Variants in NCKAP5 observed in about 807,000 individuals in gnomAD.
NCKAP5 encodes the protein NCK associated protein 5, also known as nck-associated protein 5.
A neutral mutation model predicts 167.0 loss-of-function variants in NCKAP5; 92 were observed. The observed-to-expected ratio is 0.55, with a 90% confidence interval of 0.47 to 0.66. The LOEUF is 0.66. Ranked by LOEUF, NCKAP5 falls within the 30% of genes least tolerant of loss-of-function variation. NCKAP5 has a pLI of 0.00. For missense variants in NCKAP5, 2,378 were observed against 2,315.0 expected (o/e 1.03, Z -0.56); for synonymous variants, 891 against 877.4 (o/e 1.02, Z -0.27).
At chr2:133,078,081 A>T (rs1215256795) in intron 6 of NCKAP5, among the ~76,000 whole-genome samples, 3 of 152,180 alleles carry the variant, frequency 2.0e-5, no homozygotes, top group Non-Finnish European at 2.9e-5. Flanking sequence ...CTCAGATGTA[A>T]AATGAGAGGG....
chr2:132,684,422 T>G (rs1685667967), intron 19 of NCKAP5, among the ~76,000 whole-genome samples: 1 of 152,224 alleles, frequency 6.6e-6, no homozygotes. Flanking sequence ...CTTTACATTA[T>G]TTCCATAAGT....
At chr2:132,973,206 C>A (rs537394052) in intron 7 of NCKAP5, among the ~76,000 whole-genome samples, 44 of 152,214 alleles carry the variant, frequency 2.9e-4, no homozygotes, top group African/African-American at 7.7e-4. Context: ...ACTAAAGAAT[C>A]CCAAATTATG....
chr2:132,853,417 C>T (rs1689225457), intron 11 of NCKAP5, among the ~76,000 whole-genome samples: 1 of 152,144 alleles, frequency 6.6e-6, no homozygotes, highest in Admixed American at 6.5e-5. Context: ...GGCATCTGAT[C>T]TCCGAGCATG....
chr2:133,543,664 G>T (rs1337383977), intron 2 of NCKAP5, among the ~76,000 whole-genome samples: 1 of 152,154 alleles, frequency 6.6e-6, no homozygotes, highest in Non-Finnish European at 1.5e-5. Flanking sequence ...TTCCCCTGTG[G>T]GAAATGAAGG....
At chr2:133,156,488 T>C (rs933397634) in intron 5 of NCKAP5, among the ~76,000 whole-genome samples, 2 of 152,196 alleles carry the variant, frequency 1.3e-5, no homozygotes, top group African/African-American at 4.8e-5. Flanking sequence ...TTAAAATGTG[T>C]ATGAAATCTT....
chr2:133,213,607 G>C (rs916541049), intron 5 of NCKAP5, 109 bp downstream of exon 5: 13 of 1,048,436 alleles, frequency 1.2e-5, no homozygotes, highest in Non-Finnish European at 1.7e-5. Context: ...ATATCATTAA[G>C]TTTGCTGCAA....
At chr2:133,025,854 G>A (rs916096355) in intron 6 of NCKAP5, among the ~76,000 whole-genome samples, 1 of 152,170 alleles carries the variant, frequency 6.6e-6, no homozygotes, top group Non-Finnish European at 1.5e-5. Context: ...CACAGTACAT[G>A]TGCATCATGT....
intron 3 of NCKAP5, among the ~76,000 whole-genome samples, chr2:133,308,919 C>T (rs1398630457): frequency 2.0e-5 from 3 of 149,738 alleles, no homozygotes; most frequent in Admixed American, 6.6e-5. Context: ...ACCTTGTTAG[C>T]CAGGATGGTC....
In NCKAP5 at chr2:133,137,796, C is replaced by T. The variant is rs139472708; in HGVS notation, c.208-7685G>A. ...CAAAATCCTAAGGAAATTGAACACTCGAACAAAGGATTCTTAGCAAAGCAA... is the reference window on the plus strand; with the variant it reads ...CAAAATCCTAAGGAAATTGAACACTTGAACAAAGGATTCTTAGCAAAGCAA... On this transcript the variant is annotated intron_variant, in intron 5 of 19. Transcript: ENST00000409261. 4.0e-3 allele frequency among the ~76,000 whole-genome samples: 602 copies of T among 152,256 alleles called. 2 individuals carry two copies. Among genetic ancestry groups the T allele is most frequent in the African/African-American group, 0.014 (565 of 41,558 alleles).
intron 8 of NCKAP5, among the ~76,000 whole-genome samples, chr2:132,887,353 A>ATCTATCTG (rs1303097259): frequency 7.8e-6 from 1 of 128,380 alleles, no homozygotes; most frequent in Non-Finnish European, 1.5e-5. Context: ...CTATCTATCC[A>ATCTATCTG]TCCATCCATC....
intron 19 of NCKAP5, among the ~76,000 whole-genome samples, chr2:132,723,494 C>T (rs1368889200): frequency 2.6e-5 from 4 of 151,708 alleles, no homozygotes; most frequent in South Asian, 2.1e-4. Context: ...ATTTGGAATC[C>T]GACTGTTCTC....
intron 4 of NCKAP5, among the ~76,000 whole-genome samples, chr2:133,297,166 A>T (rs1040955490): frequency 2.0e-4 from 28 of 142,178 alleles, no homozygotes; most frequent in East Asian, 8.5e-4. Context: ...AGGTTGTCAC[A>T]GTGTGTGTGT....
At chr2:133,136,438 C>T (rs2082788626) in intron 5 of NCKAP5, among the ~76,000 whole-genome samples, 1 of 152,184 alleles carries the variant, frequency 6.6e-6, no homozygotes, top group African/African-American at 2.4e-5. Flanking sequence ...TAACAAGAGG[C>T]ACGTCCCACA....
intron 5 of NCKAP5, among the ~76,000 whole-genome samples, chr2:133,149,328 A>G (rs958290731): frequency 6.6e-6 from 1 of 152,148 alleles, no homozygotes. Flanking sequence ...CCAAAACCAG[A>G]TGTAAAGCTA....
chr2:133,156,423 C>T (rs1466339396), intron 5 of NCKAP5, among the ~76,000 whole-genome samples: 2 of 152,166 alleles, frequency 1.3e-5, no homozygotes, highest in African/African-American at 2.4e-5. Context: ...CCTAACACAG[C>T]ATGTTCCAGG....
At chr2:133,087,948 G>A (rs1052286668) in intron 6 of NCKAP5, among the ~76,000 whole-genome samples, 3 of 152,112 alleles carry the variant, frequency 2.0e-5, no homozygotes, top group Non-Finnish European at 2.9e-5. Flanking sequence ...CCATTCTAGT[G>A]GGAGAGAGAT....
In NCKAP5 at chr2:132,725,637, G is replaced by T. The variant is rs149101895; in HGVS notation, c.5703C>A (p.Ser1901Arg). 72 of 1,609,654 alleles carry T rather than the reference G, an allele frequency of 4.5e-5. 1 individual carries two copies. Among genetic ancestry groups the T allele is most frequent in the Non-Finnish European group, 6.1e-5 (72 of 1,178,350 alleles). Residue 1901 changes from serine (S) to arginine (R), a missense_variant, in exon 19 of 20, where the codon AGC becomes AGA. Transcript: ENST00000409261. ...GRGQLVKALKSAAPEIETT is the reference protein window; with the variant it reads ...GRGQLVKALKRAAPEIETT Reference sequence around the variant, plus strand: ...TTCGCTGGTTGTTACCTGGGGCAGCGCTCTTCAGTGCTTTCACTAACTGTC... The same window carrying T: ...TTCGCTGGTTGTTACCTGGGGCAGCTCTCTTCAGTGCTTTCACTAACTGTC...
At chr2:132,912,890 T>A (rs1299291792) in intron 8 of NCKAP5, among the ~76,000 whole-genome samples, 1 of 152,118 alleles carries the variant, frequency 6.6e-6, no homozygotes, top group African/African-American at 2.4e-5. Flanking sequence ...CATCTGTGCT[T>A]TGAAATGATA....
At chr2:133,645,372 C>T in the NCKAP5 span, among the ~76,000 whole-genome samples, 7 of 152,144 alleles carry the variant, frequency 4.6e-5, no homozygotes, top group African/African-American at 1.7e-4. Context: ...CTCCCAAAGA[C>T]CTGTTCATTC....
Sources: gnomAD v4.1 joint callset for allele counts (sites outside exome capture counted in the v4.1 genomes callset) on GRCh38, gnomAD v4.1.1 for gene constraint, MANE v1.5 for transcripts, NCBI Gene and HGNC (gene_info 2026-07-23, HGNC 2026-07-21) for gene names.